The following SRPK1 variants were observed in gnomAD, a reference collection of about 807,000 sequenced individuals.
The protein encoded by SRPK1 is SFRS protein kinase 1.
Under a neutral mutation model 89.5 loss-of-function variants are expected in SRPK1, and 52 were observed. The observed-to-expected ratio is 0.58, with a 90% CI of 0.46 to 0.73. The LOEUF (loss-of-function observed/expected upper bound fraction) is 0.73. Among genes scored for constraint, SRPK1 ranks in the 30% least tolerant of loss-of-function variants. The pLI is 0.00. For synonymous variants in SRPK1, 255 were observed against 270.2 expected (o/e 0.94, Z 0.55); for missense variants, 603 against 780.6 (o/e 0.77, Z 2.71).
intron 2 of SRPK1, among the ~76,000 whole-genome samples, chr6:35,896,978 A>G (rs1007446457): frequency 4.6e-5 from 7 of 152,206 alleles, no homozygotes; most frequent in African/African-American, 1.7e-4. Context: ...TAATCCTAAG[A>G]TTTTATTTAC....
chr6:35,911,258 A>G (rs1472323556), intron 2 of SRPK1, among the ~76,000 whole-genome samples: 1 of 152,218 alleles, frequency 6.6e-6, no homozygotes, highest in African/African-American at 2.4e-5. Flanking sequence ...TCCAACCCTC[A>G]TGCATGACTG....
At chr6:35,873,191 T>C (rs1328396139) in intron 7 of SRPK1, among the ~76,000 whole-genome samples, 1 of 152,230 alleles carries the variant, frequency 6.6e-6, no homozygotes, top group Admixed American at 6.5e-5. Context: ...ATTTTCCTGA[T>C]GGTAAAATCT....
intron 2 of SRPK1, among the ~76,000 whole-genome samples, chr6:35,896,968 T>C (rs1581592841): frequency 6.6e-6 from 1 of 152,194 alleles, no homozygotes. Context: ...AAAGACCACA[T>C]AATCCTAAGA....
intron 2 of SRPK1, 24 bp from the exon 3 acceptor site, chr6:35,891,037 C>T: frequency 6.5e-7 from 1 of 1,541,808 alleles, no homozygotes; most frequent in South Asian, 1.2e-5. Context: ...CAAAAATGCC[C>T]ATTCCATTTG....
At chr6:35,838,861 T>C in intron 14 of SRPK1, 4 of 1,341,132 alleles carry the variant, frequency 3.0e-6, no homozygotes, top group South Asian at 1.2e-5. Flanking sequence ...TTTCTATGAA[T>C]AGCTTTTTCA....
At chr6:35,843,125 C>T (rs1291315351) in intron 13 of SRPK1, among the ~76,000 whole-genome samples, 2 of 151,742 alleles carry the variant, frequency 1.3e-5, no homozygotes, top group African/African-American at 2.4e-5. Flanking sequence ...CCCACCACCA[C>T]GCCCAGCTAA....
chr6:35,840,617 G>A (rs1344267129), intron 14 of SRPK1, among the ~76,000 whole-genome samples: 1 of 152,118 alleles, frequency 6.6e-6, no homozygotes, highest in Non-Finnish European at 1.5e-5. Flanking sequence ...AACCTATTTT[G>A]GCTTATGATA....
chr6:35,843,437 G>A (rs963439206), intron 13 of SRPK1, among the ~76,000 whole-genome samples: 3 of 152,028 alleles, frequency 2.0e-5, no homozygotes, highest in African/African-American at 7.2e-5. Flanking sequence ...GTCCCAGATG[G>A]GAAGTTCCTG....
intron 13 of SRPK1, among the ~76,000 whole-genome samples, chr6:35,847,850 G>C (rs1006562804): frequency 6.6e-5 from 10 of 151,086 alleles, no homozygotes; most frequent in Admixed American, 6.6e-4. Context: ...TTTTTTGAGA[G>C]AGGGTCTTGC....
At position 35,903,962 on chromosome 6, in the gene SRPK1, C is replaced by T. The variant is rs558105124; in HGVS notation, c.75-12949G>A. Among the ~76,000 whole-genome samples the T allele has an allele frequency of 9.9e-5, 15 of 152,044 alleles. No homozygotes were observed. The South Asian group carries it at 3.1e-3, about 32-fold the overall frequency. On this transcript the variant is annotated intron_variant, in intron 2 of 15. Coordinates refer to ENST00000373825, the MANE Select transcript of SRPK1 (RefSeq NM_003137.5). ...GGAACTATTAGCGTGCATCACAACACCCAGCGAATTTTTTTTTTTTTTTTA... is the reference window on the plus strand; with the variant it reads ...GGAACTATTAGCGTGCATCACAACATCCAGCGAATTTTTTTTTTTTTTTTA...
chr6:35,841,411 C>T (rs1769304019), intron 14 of SRPK1, among the ~76,000 whole-genome samples: 1 of 152,176 alleles, frequency 6.6e-6, no homozygotes, highest in Non-Finnish European at 1.5e-5. Flanking sequence ...AATATGCATT[C>T]CCAAAGATTC....
chr6:35,901,632 C>G (rs554944183), intron 2 of SRPK1, among the ~76,000 whole-genome samples: 2 of 152,280 alleles, frequency 1.3e-5, no homozygotes, highest in South Asian at 4.1e-4. Context: ...GACTGTGTCC[C>G]AGTCATCTCT....
chr6:35,875,888 TACC>T (rs1770144706), intron 6 of SRPK1, among the ~76,000 whole-genome samples: 1 of 152,112 alleles, frequency 6.6e-6, no homozygotes, highest in Admixed American at 6.6e-5. Context: ...TCAAACTTAC[TACC>T]ACCAATGATA....
intron 13 of SRPK1, among the ~76,000 whole-genome samples, chr6:35,843,055 G>A (rs1341323031): frequency 6.7e-6 from 1 of 150,040 alleles, no homozygotes; most frequent in Non-Finnish European, 1.5e-5. Context: ...TGCAAGCTCC[G>A]CCTCCTGGGT....
chr6:35,904,315 C>T (rs938371438), intron 2 of SRPK1, among the ~76,000 whole-genome samples: 1 of 152,070 alleles, frequency 6.6e-6, no homozygotes, highest in Admixed American at 6.6e-5. Flanking sequence ...CAAAGCTAAT[C>T]CTCCACTACG....
At chr6:35,866,405 G>A (rs1420805217) in intron 12 of SRPK1, among the ~76,000 whole-genome samples, 1 of 152,118 alleles carries the variant, frequency 6.6e-6, no homozygotes, top group Non-Finnish European at 1.5e-5. Context: ...CCAACATGGT[G>A]AAACCCCGTC....
intron 2 of SRPK1, among the ~76,000 whole-genome samples, chr6:35,898,949 T>C (rs942391756): frequency 6.6e-6 from 1 of 151,954 alleles, no homozygotes; most frequent in Non-Finnish European, 1.5e-5. Context: ...TCACCTGAGG[T>C]CACGAGTTCA....
At chr6:35,881,012 T>C (rs779925737) in intron 6 of SRPK1, among the ~76,000 whole-genome samples, 1 of 151,970 alleles carries the variant, frequency 6.6e-6, no homozygotes, top group Non-Finnish European at 1.5e-5. Context: ...TCATCAAAAA[T>C]TTTTGGAGGC....
intron 6 of SRPK1, among the ~76,000 whole-genome samples, chr6:35,879,294 C>T (rs1159159153): frequency 6.6e-6 from 1 of 152,124 alleles, no homozygotes; most frequent in Middle Eastern, 3.2e-3. Context: ...TGCACGTAAT[C>T]CCAGCACTTC....
Sources: allele counts gnomAD v4.1 joint callset (sites outside exome capture counted in the v4.1 genomes callset), GRCh38; gene constraint gnomAD v4.1.1; transcripts MANE v1.5; gene names NCBI Gene and HGNC (gene_info 2026-07-23, HGNC 2026-07-21).